The following ZFP30 variants were observed in gnomAD, a reference collection of about 807,000 sequenced individuals.
The protein encoded by ZFP30 is zinc finger protein 30 homolog.
In ZFP30, 16 loss-of-function variants were observed where a neutral mutation model predicts 12.3. The ratio of observed to expected loss-of-function variants is 1.30; its 90% CI spans 0.88 to 1.98. The LOEUF (loss-of-function observed/expected upper bound fraction) is 1.98, where lower values mean the gene tolerates loss of function less well. ZFP30 is among the 30% of genes most tolerant of loss of function. ZFP30 has a pLI of 0.00. For missense variants in ZFP30, 560 were observed against 611.2 expected, an observed-to-expected ratio of 0.92 and a Z score of 0.88; for synonymous variants, 172 against 201.0, an observed-to-expected ratio of 0.86 and a Z score of 1.22.
chr19:37,631,465 G>T lies in ZFP30; in HGVS notation c.*3516C>A, dbSNP rs2044231247. 6.6e-6 allele frequency: 1 copy of T among 152,032 alleles called. No individual in the cohort carries two copies. The highest frequency in any genetic ancestry group is 2.4e-5 in the African/African-American group (1 of 41,400). The allele number at this position is 152,032 out of a possible 1,614,324, so 9.4% of individuals were successfully genotyped here. On this transcript the variant is annotated 3_prime_UTR_variant, in exon 6 of 6. Transcript: ENST00000684514. ...AAGTTTCATATTCCATTTGAGAAATGGAATATAATGATGTAATACACTGAA... is the reference window on the plus strand; with the variant it reads ...AAGTTTCATATTCCATTTGAGAAATTGAATATAATGATGTAATACACTGAA...
At chr19:37,652,080 A>C (rs1357697863) in intron 2 of ZFP30, among the ~76,000 whole-genome samples, 1 of 152,176 alleles carries the variant, frequency 6.6e-6, no homozygotes, top group Admixed American at 6.5e-5. Flanking sequence ...CTTAACTGAA[A>C]TTTCCATAAT....
chr19:37,646,206 C>T (rs934976699), intron 3 of ZFP30, among the ~76,000 whole-genome samples: 1 of 152,178 alleles, frequency 6.6e-6, no homozygotes, highest in African/African-American at 2.4e-5. Context: ...GGGTTCCATA[C>T]TATCTGAGGT....
chr19:37,632,480 C>A lies in ZFP30; in HGVS notation c.*2501G>T, dbSNP rs1051843078. 5 of 151,950 alleles carry A rather than the reference C, an allele frequency of 3.3e-5. No homozygotes were observed. Among genetic ancestry groups the A allele is most frequent in the African/African-American group, 4.8e-5 (2 of 41,386 alleles). 9.4% of individuals were successfully genotyped at this position (151,950 alleles called of 1,614,324 possible). A position where few individuals can be genotyped will look rare whatever the true frequency, so the allele number is the denominator to read the frequency against. On this transcript the variant is annotated 3_prime_UTR_variant, in exon 6 of 6. Coordinates refer to ENST00000684514, the MANE Select transcript of ZFP30 (RefSeq NM_001320669.3). ...TTGGTATCTTTTAAAGAAACACACACAAAAAAACCAAGTCTACTTTTTATT... is the reference window on the plus strand; with the variant it reads ...TTGGTATCTTTTAAAGAAACACACAAAAAAAAACCAAGTCTACTTTTTATT...
chr19:37,654,540 C>A (rs2044714127), intron 2 of ZFP30, among the ~76,000 whole-genome samples, 172 bp downstream of exon 2: 1 of 152,160 alleles, frequency 6.6e-6, no homozygotes, highest in Non-Finnish European at 1.5e-5. Flanking sequence ...TATAGAACAG[C>A]ATGAAGTGGG....
chr19:37,641,311 T>C (rs529710478), intron 5 of ZFP30, among the ~76,000 whole-genome samples: 19 of 152,370 alleles, frequency 1.2e-4, no homozygotes, highest in Non-Finnish European at 2.2e-4. Flanking sequence ...TCGTAAAATA[T>C]ATTCCTTGTA....
At chr19:37,647,626 C>T (rs2044568450) in intron 3 of ZFP30, among the ~76,000 whole-genome samples, 188 bp downstream of exon 3, 1 of 152,126 alleles carries the variant, frequency 6.6e-6, no homozygotes, top group Admixed American at 6.5e-5. Context: ...TGGACTAATA[C>T]AGATACAGAT....
At position 37,636,216 on chromosome 19, in the gene ZFP30, T is replaced by C. The variant is rs1400422459; in HGVS notation, c.325A>G (p.Ile109Val). 6.2e-7 allele frequency: 1 copy of C among 1,614,156 alleles called. No individual in the cohort carries two copies. The change falls in exon 6 of 6, where the codon ATT becomes GTT. Residue 109 changes from isoleucine (I) to valine (V), a missense_variant. Ile to Val is a conservative substitution (Grantham distance 29). Transcript: ENST00000684514. The part of the protein sequence containing the change: ...NLSQWKVMER[I>V]KSCGLEEQES... Reference sequence around the variant, plus strand: ...TGTTCTTCAAGTCCACAGCTTTTAATTCTTTCCATTACCTTCCACTGAGAT... The same window carrying C: ...TGTTCTTCAAGTCCACAGCTTTTAACTCTTTCCATTACCTTCCACTGAGAT...
In ZFP30 at chr19:37,633,819, T is replaced by G. The variant is rs1476597754; in HGVS notation, c.*1162A>C. ...TAGGTTACCATCATTTTGCCAAACT[T>G]GTTATTCATCCTCATTTTTCTTTTG... On this transcript the variant is annotated 3_prime_UTR_variant, in exon 6 of 6. Transcript: ENST00000684514. 1.3e-5 allele frequency: 2 copies of G among 152,220 alleles called. No homozygotes were observed. Among genetic ancestry groups the G allele is most frequent in the African/African-American group, 4.8e-5 (2 of 41,460 alleles). The allele number at this position is 152,220 out of a possible 1,614,324, so 9.4% of individuals were successfully genotyped here.
At chr19:37,643,164 A>G in intron 5 of ZFP30, 101 bp downstream of exon 5, 2 of 833,984 alleles carry the variant, frequency 2.4e-6, no homozygotes, top group Non-Finnish European at 3.7e-6. Context: ...CCCAAGTTTC[A>G]GGTCTCTTCT....
chr19:37,649,612 T>C (rs2147287179), intron 2 of ZFP30, among the ~76,000 whole-genome samples: 1 of 152,146 alleles, frequency 6.6e-6, no homozygotes. Context: ...GGTGACCGCT[T>C]AATAAGTCCA....
At chr19:37,643,204 C>T in intron 5 of ZFP30, 61 bp downstream of exon 5, 2 of 1,373,368 alleles carry the variant, frequency 1.5e-6, no homozygotes, top group Middle Eastern at 1.8e-4. Flanking sequence ...GGTGTGTCTC[C>T]TCCTCAACCA....
intron 3 of ZFP30, 113 bp from the exon 4 acceptor site, chr19:37,644,849 G>A: frequency 9.5e-7 from 1 of 1,057,504 alleles, no homozygotes; most frequent in South Asian, 1.7e-5. Context: ...TTGGGAGCCT[G>A]AAGCAGGAGG....
At chr19:37,636,563 T>C (rs1033848082) in intron 5 of ZFP30, among the ~76,000 whole-genome samples, 1 of 152,140 alleles carries the variant, frequency 6.6e-6, no homozygotes, top group African/African-American at 2.4e-5. Context: ...ATTTCTCTTT[T>C]CAGTTAGAAT....
chr19:37,643,484 G>C, intron 4 of ZFP30, 121 bp from the exon 5 acceptor site: 2 of 594,070 alleles, frequency 3.4e-6, no homozygotes, highest in South Asian at 5.0e-5. Context: ...GGAAAAACAA[G>C]AACACAGAAG....
chr19:37,651,247 G>A (rs895434940), intron 2 of ZFP30, among the ~76,000 whole-genome samples: 5 of 151,758 alleles, frequency 3.3e-5, no homozygotes, highest in African/African-American at 1.2e-4. Context: ...TCATTTCCCC[G>A]AATCATGTAA....
chr19:37,648,663 G>C (rs574860509), intron 2 of ZFP30, among the ~76,000 whole-genome samples: 12 of 152,242 alleles, frequency 7.9e-5, no homozygotes, highest in African/African-American at 2.4e-4. Flanking sequence ...TTTCTAAAAA[G>C]TTTCCAGGTG....
chr19:37,636,293 C>A lies in ZFP30; in HGVS notation c.248G>T (p.Arg83Ile). The change falls in exon 6 of 6, where the codon AGA becomes ATA. Residue 83 changes from arginine (R) to isoleucine (I), a missense_variant. By Grantham distance (97) the Arg-to-Ile change is moderately conservative (BLOSUM62 -3). Transcript: ENST00000684514. ...TTGAAATAACTTTTTAGTGTCATAT[C>A]TGGATTCCAAATCTGAAAGAAAACA... ...KRRWTLDLES[R>I]YDTKKLFQGK... 1.3e-6 allele frequency: 2 copies of A among 1,580,940 alleles called. No individual in the cohort carries two copies. The highest frequency in any genetic ancestry group is 1.7e-6 in the Non-Finnish European group (2 of 1,166,582).
chr19:37,647,100 T>C (rs886462013), intron 3 of ZFP30, among the ~76,000 whole-genome samples: 86 of 152,236 alleles, frequency 5.6e-4, no homozygotes, highest in Admixed American at 1.2e-3. Context: ...TTAAATTATA[T>C]TTGTAGCTTG....
At chr19:37,641,053 T>C (rs1024346227) in intron 5 of ZFP30, among the ~76,000 whole-genome samples, 19 of 152,196 alleles carry the variant, frequency 1.2e-4, no homozygotes, top group Non-Finnish European at 2.5e-4. Context: ...CAGACGATAA[T>C]CTTACTGCCA....
Sources: gnomAD v4.1 joint callset for allele counts (sites outside exome capture counted in the v4.1 genomes callset) on GRCh38, gnomAD v4.1.1 for gene constraint, MANE v1.5 for transcripts, NCBI Gene and HGNC (gene_info 2026-07-23, HGNC 2026-07-21) for gene names.